SNTG1: variants seen among roughly 807,000 people sequenced by gnomAD.
SNTG1 encodes the protein syntrophin gamma 1, also known as gamma-1-syntrophin.
SNTG1 carries 39 observed loss-of-function variants against 74.7 expected under a neutral mutation model. The ratio of observed to expected loss-of-function variants is 0.52; its 90% CI spans 0.40 to 0.68. The LOEUF (loss-of-function observed/expected upper bound fraction) is 0.68, where lower values mean the gene tolerates loss of function less well. Among genes scored for constraint, SNTG1 ranks in the 30% least tolerant of loss-of-function variants. The pLI, the probability that SNTG1 is intolerant of heterozygous loss-of-function variation, is 0.00. For missense variants in SNTG1, 685 were observed against 609.5 expected, an observed-to-expected ratio of 1.12 and a Z score of -1.30; for synonymous variants, 254 against 217.1, an observed-to-expected ratio of 1.17 and a Z score of -1.49.
In SNTG1 at chr8:50,530,206, T is replaced by A. The variant is rs1240195308; in HGVS notation, c.496T>A (p.Ser166Thr). The A allele has an allele frequency of 1.5e-5, 24 of 1,613,812 alleles. No homozygotes were observed. The highest frequency in any genetic ancestry group is 2.0e-5 in the Non-Finnish European group (24 of 1,179,782). ...CAPSDQSSGTSSPLCDSGLHL... is the reference protein window; with the variant it reads ...CAPSDQSSGTTSPLCDSGLHL... The stretch of plus-strand genomic sequence containing the variant: ...TCCAAGTGACCAGAGCAGTGGCACC[T>A]CCTCTCCTCTCTGTGACAGTGGCTT... Residue 166 changes from serine to threonine, a missense_variant, in exon 10 of 19, where the codon TCC becomes ACC. Transcript: ENST00000642720.
chr8:50,534,839 T>A (rs1306069754), intron 10 of SNTG1, among the ~76,000 whole-genome samples: 2 of 152,162 alleles, frequency 1.3e-5, no homozygotes, highest in Admixed American at 6.5e-5. Context: ...ATAGCTTTGT[T>A]TTTCAAAGAT....
chr8:49,940,108 G>A (rs185882423), intron 1 of SNTG1, among the ~76,000 whole-genome samples: 1 of 152,288 alleles, frequency 6.6e-6, no homozygotes, highest in African/African-American at 2.4e-5. Context: ...AGGTGCTTGG[G>A]TTGAACAAAA....
At chr8:50,114,514 T>C (rs2080735671) in intron 1 of SNTG1, among the ~76,000 whole-genome samples, 2 of 152,248 alleles carry the variant, frequency 1.3e-5, no homozygotes, top group South Asian at 4.2e-4. Context: ...GTAGTTGGCC[T>C]GAGACTGAGG....
chr8:50,320,961 T>G (rs1345345088), intron 2 of SNTG1, among the ~76,000 whole-genome samples: 3 of 152,140 alleles, frequency 2.0e-5, no homozygotes, highest in Non-Finnish European at 4.4e-5. Flanking sequence ...ATGATCCACA[T>G]GCTGAGGAAA....
At chr8:50,427,184 T>C (rs2093173985) in intron 4 of SNTG1, among the ~76,000 whole-genome samples, 2 of 152,170 alleles carry the variant, frequency 1.3e-5, no homozygotes, top group Admixed American at 6.5e-5. Context: ...TGTTATTTCT[T>C]AGTTTTGTGG....
intron 12 of SNTG1, among the ~76,000 whole-genome samples, chr8:50,570,588 G>A (rs138488676): frequency 1.4e-3 from 122 of 86,880 alleles, no homozygotes; most frequent in African/African-American, 4.8e-3. Flanking sequence ...TATTATTATT[G>A]TTGTTATTAT....
chr8:50,184,500 C>T (rs967506982), intron 2 of SNTG1, among the ~76,000 whole-genome samples: 7 of 152,142 alleles, frequency 4.6e-5, no homozygotes, highest in Admixed American at 1.3e-4. Flanking sequence ...CCTCCTTTAA[C>T]TCCACTTATT....
intron 2 of SNTG1, among the ~76,000 whole-genome samples, chr8:50,266,617 A>G (rs2087479136): frequency 6.7e-6 from 1 of 149,404 alleles, no homozygotes; most frequent in Non-Finnish European, 1.5e-5. Context: ...GGCATATGGT[A>G]CCACAACAGA....
chr8:49,951,532 C>T (rs927307551), intron 1 of SNTG1, among the ~76,000 whole-genome samples: 6 of 151,486 alleles, frequency 4.0e-5, no homozygotes, highest in African/African-American at 1.2e-4. Flanking sequence ...ACCGCATATT[C>T]TCACTCATAG....
chr8:50,099,739 G>A (rs538372060), intron 1 of SNTG1, among the ~76,000 whole-genome samples: 2 of 152,122 alleles, frequency 1.3e-5, no homozygotes, highest in Non-Finnish European at 2.9e-5. Context: ...GATGAATAGT[G>A]ATGTTGAACA....
At chr8:50,071,906 A>G (rs1055546250) in intron 1 of SNTG1, among the ~76,000 whole-genome samples, 1 of 151,988 alleles carries the variant, frequency 6.6e-6, no homozygotes, top group Non-Finnish European at 1.5e-5. Flanking sequence ...CATCAGGAAT[A>G]AAATATAAAA....
At chr8:50,115,576 A>AAAAAAC (rs1554580681) in intron 1 of SNTG1, among the ~76,000 whole-genome samples, 7 of 82,908 alleles carry the variant, frequency 8.4e-5, no homozygotes, top group African/African-American at 1.6e-4. Flanking sequence ...TCAAAAAAAA[A>AAAAAAC]AAAAAAAAAA....
At chr8:50,157,541 A>T (rs1335240299) in intron 1 of SNTG1, among the ~76,000 whole-genome samples, 4 of 152,248 alleles carry the variant, frequency 2.6e-5, no homozygotes, top group Admixed American at 2.6e-4. Flanking sequence ...TCTTCGCATA[A>T]TTATTATTGT....
chr8:50,266,611 T>G (rs2087478614), intron 2 of SNTG1, among the ~76,000 whole-genome samples: 1 of 149,694 alleles, frequency 6.7e-6, no homozygotes. Context: ...TGGTGGGGCA[T>G]ATGGTACCAC....
chr8:50,276,470 G>A (rs1383775869), intron 2 of SNTG1, among the ~76,000 whole-genome samples: 1 of 149,940 alleles, frequency 6.7e-6, no homozygotes, highest in Non-Finnish European at 1.5e-5. Flanking sequence ...TCTTCCTTTT[G>A]TAATATACCT....
intron 17 of SNTG1, among the ~76,000 whole-genome samples, chr8:50,730,975 A>G (rs1419150897): frequency 2.0e-5 from 3 of 152,200 alleles, no homozygotes; most frequent in Non-Finnish European, 4.4e-5. Flanking sequence ...TTTAAAGTAG[A>G]ATAGTCAGAC....
At chr8:50,723,904 G>A (rs2095493673) in intron 17 of SNTG1, among the ~76,000 whole-genome samples, 1 of 152,150 alleles carries the variant, frequency 6.6e-6, no homozygotes, top group African/African-American at 2.4e-5. Flanking sequence ...AGCAAGAATG[G>A]AATAGCTATG....
chr8:50,511,713 T>C (rs1420536178), intron 9 of SNTG1, among the ~76,000 whole-genome samples: 1 of 152,186 alleles, frequency 6.6e-6, no homozygotes, highest in Non-Finnish European at 1.5e-5. Context: ...TTAAAGTCTG[T>C]TTTATCAGAG....
At chr8:50,637,162 C>T (rs982710979) in intron 13 of SNTG1, among the ~76,000 whole-genome samples, 4 of 152,134 alleles carry the variant, frequency 2.6e-5, no homozygotes, top group African/African-American at 9.7e-5. Context: ...CCTTTGTTTA[C>T]CTAACTGTAT....
Sources: allele counts gnomAD v4.1 joint callset (sites outside exome capture counted in the v4.1 genomes callset), GRCh38; gene constraint gnomAD v4.1.1; transcripts MANE v1.5; gene names NCBI Gene and HGNC (gene_info 2026-07-23, HGNC 2026-07-21).